THSD7A: variants seen among roughly 807,000 people sequenced by gnomAD.
The protein encoded by THSD7A is thrombospondin type 1 domain containing 7A.
A neutral mutation model predicts 231.3 loss-of-function variants in THSD7A; 96 were observed. That is an observed-to-expected ratio of 0.41 (90% CI 0.35 to 0.49). THSD7A has a LOEUF of 0.49. Among genes scored for constraint, THSD7A ranks in the 20% least tolerant of loss-of-function variants. The pLI is 0.05. For synonymous variants in THSD7A, 940 were observed against 743.3 expected, an observed-to-expected ratio of 1.26 and a Z score of -4.30; for missense variants, 2,290 against 2,070.2, an observed-to-expected ratio of 1.11 and a Z score of -2.06.
intron 2 of THSD7A, among the ~76,000 whole-genome samples, chr7:11,595,712 G>C (rs1225404215): frequency 6.6e-6 from 1 of 152,198 alleles, no homozygotes; most frequent in Admixed American, 6.5e-5. Flanking sequence ...TCTTTGAAAA[G>C]TCCAGTAATT....
rs1562728058 is a variant in THSD7A at position 11,568,656 on chromosome 7, C to CAAAAAAA, written c.1453+21803_1453+21804insTTTTTTT. ...AAAAAAAAAAAAAAAAAAAAAAAACCAAAATCTGGAACAAGGTAAAGATGA... is the reference window on the plus strand; with the variant it reads ...AAAAAAAAAAAAAAAAAAAAAAAACCAAAAAAAAAAATCTGGAACAAGGTAAAGATGA... On this transcript the variant is annotated intron_variant, in intron 4 of 27. Transcript: ENST00000423059. Among the ~76,000 whole-genome samples, 112 of 88,660 alleles carry CAAAAAAA rather than the reference C, an allele frequency of 1.3e-3. 6 individuals are homozygous for CAAAAAAA. Among genetic ancestry groups the CAAAAAAA allele is most frequent in the Admixed American group, 2.4e-3 (17 of 7,012 alleles). 58.2% of individuals were successfully genotyped at this position (88,660 alleles called of 152,430 possible). A position where few individuals can be genotyped will look rare whatever the true frequency, so the allele number is the denominator to read the frequency against.
At chr7:11,514,025 C>A (rs1008253110) in intron 6 of THSD7A, among the ~76,000 whole-genome samples, 3 of 151,964 alleles carry the variant, frequency 2.0e-5, no homozygotes, top group African/African-American at 4.8e-5. Flanking sequence ...TACGTGTGCA[C>A]CACCTCAATG....
At chr7:11,728,980 TA>T (rs1395296407) in intron 1 of THSD7A, among the ~76,000 whole-genome samples, 1 of 151,740 alleles carries the variant, frequency 6.6e-6, no homozygotes, top group Non-Finnish European at 1.5e-5. Context: ...ATTTCTACCT[TA>T]AAAATGAAAT....
At chr7:11,771,664 G>A (rs1783234000) in intron 1 of THSD7A, among the ~76,000 whole-genome samples, 1 of 151,792 alleles carries the variant, frequency 6.6e-6, no homozygotes, top group Non-Finnish European at 1.5e-5. Flanking sequence ...CATACATGTG[G>A]CCAAAAAGCA....
At chr7:11,759,904 A>C (rs184214394) in intron 1 of THSD7A, among the ~76,000 whole-genome samples, 101 of 152,166 alleles carry the variant, frequency 6.6e-4, no homozygotes, top group Non-Finnish European at 1.2e-3. Context: ...TAGTGACCTA[A>C]AGAAGTTTGG....
intron 2 of THSD7A, among the ~76,000 whole-genome samples, chr7:11,615,370 G>A (rs1047973976): frequency 9.2e-5 from 14 of 152,128 alleles, no homozygotes; most frequent in East Asian, 3.9e-4. Flanking sequence ...CTGTCTCCTC[G>A]TGGAGCTGGG....
chr7:11,786,497 G>A (rs914882513), intron 1 of THSD7A, among the ~76,000 whole-genome samples: 2 of 151,992 alleles, frequency 1.3e-5, no homozygotes, highest in Admixed American at 1.3e-4. Context: ...TTAAGAGAAA[G>A]GTGTAATGCT....
chr7:11,588,231 C>T (rs2128339966), intron 4 of THSD7A, among the ~76,000 whole-genome samples: 1 of 152,280 alleles, frequency 6.6e-6, no homozygotes, highest in South Asian at 2.1e-4. Context: ...ATAGACTTCG[C>T]ATGTCACCCC....
chr7:11,738,468 G>A (rs1280243294), intron 1 of THSD7A, among the ~76,000 whole-genome samples: 1 of 152,010 alleles, frequency 6.6e-6, no homozygotes, highest in Non-Finnish European at 1.5e-5. Flanking sequence ...GATAGTGCTA[G>A]CAATACTTTA....
At chr7:11,389,387 T>C (rs1339625100) in intron 23 of THSD7A, among the ~76,000 whole-genome samples, 1 of 150,856 alleles carries the variant, frequency 6.6e-6, no homozygotes, top group Non-Finnish European at 1.5e-5. Flanking sequence ...TGGTTTAAAG[T>C]CTGTTTTATC....
chr7:11,803,054 A>G lies in THSD7A; in HGVS notation c.190+28703T>C, dbSNP rs1226218568. Among the ~76,000 whole-genome samples the G allele has an allele frequency of 2.6e-5, 4 of 152,144 alleles. No homozygotes were observed. In the East Asian group the frequency reaches 7.7e-4, roughly 29 times the overall value. On this transcript the variant is annotated intron_variant, in intron 1 of 27. Transcript: ENST00000423059. ...GAGAGGTGGATGGAGCCAAGGGCAT[A>G]TGTAATAAGATAATTTGGTAGGGAG...
chr7:11,669,614 C>G (rs2128377596), intron 1 of THSD7A, among the ~76,000 whole-genome samples: 1 of 151,844 alleles, frequency 6.6e-6, no homozygotes, highest in Admixed American at 6.6e-5. Flanking sequence ...AAATTTTTTA[C>G]TGGTTTTTAA....
At chr7:11,683,388 T>C (rs1409306305) in intron 1 of THSD7A, among the ~76,000 whole-genome samples, 1 of 151,692 alleles carries the variant, frequency 6.6e-6, no homozygotes, top group Non-Finnish European at 1.5e-5. Context: ...AGAGCAGAAC[T>C]AAATAACATT....
intron 6 of THSD7A, among the ~76,000 whole-genome samples, chr7:11,517,642 A>G (rs577159811): frequency 3.0e-4 from 46 of 152,332 alleles, no homozygotes; most frequent in African/African-American, 1.1e-3. Context: ...CAGTTGGTAG[A>G]CAACTACACC....
chr7:11,595,876 C>T (rs558251576), intron 2 of THSD7A, among the ~76,000 whole-genome samples: 1 of 152,332 alleles, frequency 6.6e-6, no homozygotes, highest in African/African-American at 2.4e-5. Context: ...TCGTAATGGA[C>T]AGCAGAGGCA....
chr7:11,744,414 A>AG (rs1339189790), intron 1 of THSD7A, among the ~76,000 whole-genome samples: 1 of 151,002 alleles, frequency 6.6e-6, no homozygotes, highest in African/African-American at 2.5e-5. Context: ...TTATGATACC[A>AG]GGTTTTTTTA....
At chr7:11,493,245 T>C (rs935365323) in intron 6 of THSD7A, among the ~76,000 whole-genome samples, 10 of 152,102 alleles carry the variant, frequency 6.6e-5, no homozygotes, top group Non-Finnish European at 1.5e-4. Flanking sequence ...CAGAGAGTTC[T>C]ATAAAATGTT....
intron 4 of THSD7A, among the ~76,000 whole-genome samples, chr7:11,575,154 G>A (rs189138491): frequency 7.9e-5 from 12 of 152,138 alleles, no homozygotes; most frequent in South Asian, 2.1e-4. Context: ...TATCATCCTC[G>A]TCATCCTCTG....
rs549723262 is a variant in THSD7A, at chr7:11,510,887, C to T, written c.1823-28905G>A. ...GAAAACTGGCACAAGACAGGGATGC[C>T]CTCTCTCACCTCTCCTGTTCAACAC... On this transcript the variant is annotated intron_variant, in intron 6 of 27. Coordinates refer to ENST00000423059, the MANE Select transcript of THSD7A (RefSeq NM_015204.3). Among the ~76,000 whole-genome samples, 3 of 152,112 alleles carry T rather than the reference C, an allele frequency of 2.0e-5. No homozygotes were observed. The East Asian group carries it at 5.8e-4, about 29-fold the overall frequency.
Sources: gnomAD v4.1 joint callset for allele counts (sites outside exome capture counted in the v4.1 genomes callset) on GRCh38, gnomAD v4.1.1 for gene constraint, MANE v1.5 for transcripts, NCBI Gene and HGNC (gene_info 2026-07-23, HGNC 2026-07-21) for gene names.